The following RASA1 variants were observed in gnomAD, a reference collection of about 807,000 sequenced individuals.
The protein encoded by RASA1 is ras GTPase-activating protein 1.
In RASA1, 25 loss-of-function variants were observed where a neutral mutation model predicts 132.2. The ratio of observed to expected loss-of-function variants is 0.19; its 90% CI spans 0.14 to 0.26. The LOEUF is 0.26. RASA1 is among the 10% of genes least tolerant of loss of function. The pLI, the probability that RASA1 is intolerant of heterozygous loss-of-function variation, is 1.00. For missense variants in RASA1, 964 were observed against 1,299.2 expected, an observed-to-expected ratio of 0.74 and a Z score of 3.97; for synonymous variants, 477 against 449.9, an observed-to-expected ratio of 1.06 and a Z score of -0.76.
intron 11 of RASA1, among the ~76,000 whole-genome samples, chr5:87,369,232 C>T (rs1003522931): frequency 2.0e-5 from 3 of 152,030 alleles, no homozygotes; most frequent in Admixed American, 1.3e-4. Context: ...TAAATTATTA[C>T]CTAATATTGT....
At chr5:87,377,763 A>G (rs865786610) in intron 17 of RASA1, among the ~76,000 whole-genome samples, 8 of 152,150 alleles carry the variant, frequency 5.3e-5, no homozygotes, top group South Asian at 2.1e-4. Context: ...CCTGGCCCAC[A>G]CACACCACCA....
chr5:87,372,303 C>A, intron 13 of RASA1, 108 bp downstream of exon 13: 1 of 981,132 alleles, frequency 1.0e-6, no homozygotes, highest in Non-Finnish European at 1.6e-6. Context: ...TGGGGTTAAG[C>A]CATGCTGCCA....
At chr5:87,317,977 T>C (rs1010435180) in intron 1 of RASA1, among the ~76,000 whole-genome samples, 2 of 152,166 alleles carry the variant, frequency 1.3e-5, no homozygotes, top group Middle Eastern at 3.2e-3. Context: ...CCATTTTTTT[T>C]AGAGCTTTGC....
chr5:87,343,306 G>A (rs1253473301), intron 6 of RASA1, among the ~76,000 whole-genome samples: 1 of 151,998 alleles, frequency 6.6e-6, no homozygotes, highest in African/African-American at 2.4e-5. Flanking sequence ...TTCTAGTTCA[G>A]GACTTTTTAA....
At chr5:87,389,578 A>G in intron 24 of RASA1, 51 bp downstream of exon 24, 1 of 1,599,814 alleles carries the variant, frequency 6.3e-7, no homozygotes, top group Non-Finnish European at 8.6e-7. Flanking sequence ...GATAACACTT[A>G]GAGAGTTAAT....
chr5:87,342,560 T>A (rs919204668), intron 6 of RASA1, among the ~76,000 whole-genome samples: 2 of 152,150 alleles, frequency 1.3e-5, no homozygotes, highest in Non-Finnish European at 2.9e-5. Flanking sequence ...TTAGACACAA[T>A]AATCTTGATC....
intron 1 of RASA1, among the ~76,000 whole-genome samples, chr5:87,325,718 A>G (rs569317732): frequency 6.6e-6 from 1 of 152,338 alleles, no homozygotes; most frequent in East Asian, 1.9e-4. Flanking sequence ...TTTTTATAAA[A>G]GGAACTCTAT....
chr5:87,353,335 A>T, intron 9 of RASA1, 100 bp downstream of exon 9: 2 of 907,490 alleles, frequency 2.2e-6, no homozygotes, highest in Non-Finnish European at 3.5e-6. Context: ...AATTGGATAC[A>T]ACTTAAAACT....
At position 87,316,067 on chromosome 5, in the gene RASA1, G is replaced by A. The variant is rs146977685; in HGVS notation, c.540-15281G>A. 4.1e-3 allele frequency among the ~76,000 whole-genome samples: 617 copies of A among 152,242 alleles called. 6 individuals are homozygous for A. The highest frequency in any genetic ancestry group is 0.014 in the African/African-American group (595 of 41,556). On this transcript the variant is annotated intron_variant, in intron 1 of 24. Transcript: ENST00000274376. The stretch of plus-strand genomic sequence containing the variant: ...AATACATTTTAAACTCACATTTTTG[G>A]ATAATTTTCAGAACTATTAATGTTT...
intron 15 of RASA1, 90 bp downstream of exon 15, chr5:87,375,006 A>T: frequency 6.8e-7 from 1 of 1,465,080 alleles, no homozygotes; most frequent in Non-Finnish European, 9.1e-7. Context: ...TAGAAATTAA[A>T]AAAACAGAAA....
chr5:87,365,726 CACTT>C (rs1212378615), intron 11 of RASA1, among the ~76,000 whole-genome samples: 4 of 151,928 alleles, frequency 2.6e-5, no homozygotes, highest in Non-Finnish European at 4.4e-5. Context: ...AAATGTAACT[CACTT>C]ACTAGGACCT....
At chr5:87,386,009 C>T (rs754033381) in intron 22 of RASA1, among the ~76,000 whole-genome samples, 1 of 151,952 alleles carries the variant, frequency 6.6e-6, no homozygotes, top group Non-Finnish European at 1.5e-5. Flanking sequence ...TAAGTAAATA[C>T]GTTTTAGGCT....
At chr5:87,285,807 T>G (rs1417020179) in intron 1 of RASA1, among the ~76,000 whole-genome samples, 1 of 151,278 alleles carries the variant, frequency 6.6e-6, no homozygotes, top group Non-Finnish European at 1.5e-5. Context: ...TTAATAGAGA[T>G]GGGATTTCGC....
intron 1 of RASA1, chr5:87,331,041 T>C (rs1757562887): frequency 1.6e-6 from 2 of 1,277,886 alleles, no homozygotes; most frequent in Non-Finnish European, 2.1e-6. Flanking sequence ...AAAGATCTGG[T>C]TGCAGTAGTG....
At chr5:87,302,807 G>A (rs1755432792) in intron 1 of RASA1, among the ~76,000 whole-genome samples, 1 of 151,436 alleles carries the variant, frequency 6.6e-6, no homozygotes, top group Non-Finnish European at 1.5e-5. Context: ...TCACATCCCA[G>A]ATTATTTCTG....
At chr5:87,283,619 T>A (rs2112250046) in intron 1 of RASA1, among the ~76,000 whole-genome samples, 2 of 152,110 alleles carry the variant, frequency 1.3e-5, no homozygotes, top group Middle Eastern at 3.4e-3. Flanking sequence ...TATATCCCTA[T>A]CCCCCTAAAT....
At chr5:87,354,141 G>T (rs1172394101) in intron 9 of RASA1, among the ~76,000 whole-genome samples, 1 of 151,822 alleles carries the variant, frequency 6.6e-6, no homozygotes, top group Non-Finnish European at 1.5e-5. Context: ...TTGGTGGGGG[G>T]TGGGGTGGGA....
intron 1 of RASA1, among the ~76,000 whole-genome samples, chr5:87,295,373 C>T (rs955920868): frequency 7.9e-5 from 12 of 151,680 alleles, no homozygotes; most frequent in South Asian, 2.1e-4. Context: ...ATATTTCTTA[C>T]GATTTTCTAT....
chr5:87,322,584 C>T (rs768345456), intron 1 of RASA1, among the ~76,000 whole-genome samples: 23 of 152,084 alleles, frequency 1.5e-4, no homozygotes, highest in Non-Finnish European at 2.4e-4. Flanking sequence ...GCTAGCTCTC[C>T]CTTTGCCTTC....
Sources: gnomAD v4.1 joint callset for allele counts (sites outside exome capture counted in the v4.1 genomes callset) on GRCh38, gnomAD v4.1.1 for gene constraint, MANE v1.5 for transcripts, NCBI Gene and HGNC (gene_info 2026-07-23, HGNC 2026-07-21) for gene names.